The following SLA variants were observed in gnomAD, a reference collection of about 807,000 sequenced individuals.
SLA encodes src-like-adapter.
A neutral mutation model predicts 30.3 loss-of-function variants in SLA; 16 were observed. That is an observed-to-expected ratio of 0.53 (90% CI 0.36 to 0.80). SLA has a LOEUF of 0.80. Ranked by LOEUF, SLA falls within the 30% of genes least tolerant of loss-of-function variation. SLA has a pLI of 0.01. For missense variants in SLA, 310 were observed against 345.2 expected, an observed-to-expected ratio of 0.90 and a Z score of 0.81; for synonymous variants, 143 against 137.8, an observed-to-expected ratio of 1.04 and a Z score of -0.26.
At chr8:133,041,131 C>T (rs1838143835) in intron 7 of SLA, among the ~76,000 whole-genome samples, 1 of 152,230 alleles carries the variant, frequency 6.6e-6, no homozygotes, top group South Asian at 2.1e-4. Flanking sequence ...AGTGCTTCTC[C>T]TGTGCCCTGG....
intron 1 of SLA, among the ~76,000 whole-genome samples, chr8:133,088,404 T>C (rs560072120): frequency 1.3e-5 from 2 of 152,300 alleles, no homozygotes; most frequent in South Asian, 4.1e-4. Context: ...GGTAGCACAG[T>C]GTGGGGGGAA....
intron 1 of SLA, among the ~76,000 whole-genome samples, chr8:133,096,841 C>T (rs1206275290): frequency 6.6e-6 from 1 of 152,224 alleles, no homozygotes; most frequent in Admixed American, 6.5e-5. Context: ...ACGCACAATG[C>T]ACCTGGCAAA....
chr8:133,095,106 T>A, intron 1 of SLA: 1 of 1,614,218 alleles, frequency 6.2e-7, no homozygotes. Context: ...AGCAGGCAAT[T>A]GCTTTGGCAA....
chr8:133,078,763 C>A (rs58767833), intron 1 of SLA, among the ~76,000 whole-genome samples: 3,715 of 152,298 alleles, frequency 0.024, 156 homozygotes, highest in African/African-American at 0.085. Flanking sequence ...GAATTACTCA[C>A]TTTAGCCAAC....
intron 2 of SLA, among the ~76,000 whole-genome samples, chr8:133,073,867 T>C (rs1157766706): frequency 6.6e-6 from 1 of 152,112 alleles, no homozygotes; most frequent in Admixed American, 6.5e-5. Flanking sequence ...GAGCCTCATT[T>C]CCTCAGTTTT....
At chr8:133,065,514 C>A (rs2131370790) in intron 2 of SLA, among the ~76,000 whole-genome samples, 1 of 152,314 alleles carries the variant, frequency 6.6e-6, no homozygotes, top group Middle Eastern at 3.4e-3. Flanking sequence ...GTGATCCTAG[C>A]ACTTTGGGAA....
chr8:133,047,904 T>A lies in SLA; in HGVS notation c.278A>T (p.Lys93Met). Residue 93 changes from lysine (K) to methionine (M), a missense_variant, in exon 6 of 9, where the codon AAG (lysine) becomes ATG (methionine). Lys to Met is a moderately conservative substitution (Grantham distance 95). Transcript: ENST00000338087. ...GWLFEGLGRDKAEELLQLPDT... is the reference protein window; with the variant it reads ...GWLFEGLGRDMAEELLQLPDT... ...TGGCAGCTGCAGCAGCTCCTCGGCC[T>A]TGTCTCTGCCCAGGCCCTCAAACAG... is the stretch of plus-strand genomic sequence containing the variant. The A allele has an allele frequency of 6.2e-7, 1 of 1,612,032 alleles. No individual in the cohort carries two copies. The highest frequency in any genetic ancestry group is 8.5e-7 in the Non-Finnish European group (1 of 1,179,000).
chr8:133,055,497 G>A (rs1345767402), intron 3 of SLA, among the ~76,000 whole-genome samples: 1 of 151,990 alleles, frequency 6.6e-6, no homozygotes, highest in African/African-American at 2.4e-5. Flanking sequence ...CCATGAACCA[G>A]GCTTGTGAGC....
intron 4 of SLA, chr8:133,050,613 C>A: frequency 3.9e-6 from 2 of 510,184 alleles, no homozygotes; most frequent in Non-Finnish European, 3.5e-6. Context: ...ATTTGATCTA[C>A]CAGGCAGTGG....
At chr8:133,069,708 C>G (rs887404665) in intron 2 of SLA, among the ~76,000 whole-genome samples, 5 of 152,096 alleles carry the variant, frequency 3.3e-5, no homozygotes, top group African/African-American at 1.2e-4. Flanking sequence ...CAGTTAGAAA[C>G]AGAAGAAAAA....
At position 133,038,628 on chromosome 8, in the gene SLA, C is replaced by G. The variant is rs1267458655; in HGVS notation, c.727G>C (p.Asp243His). Residue 243 changes from aspartate (D) to histidine (H), a missense_variant, in exon 9 of 9, where the codon GAC becomes CAC. Asp to His is a moderately conservative substitution (Grantham distance 81, BLOSUM62 -1). Coordinates refer to ENST00000338087, the MANE Select transcript of SLA (RefSeq NM_001045556.3). ...IASYLSLTSE[D>H]NTSFDRKKKS... ...TTCTTTCGATCAAAGGAGGTGTTGTCCTCACTGGTCAGGGACAGGTAAGAG... is the reference window on the plus strand; with the variant it reads ...TTCTTTCGATCAAAGGAGGTGTTGTGCTCACTGGTCAGGGACAGGTAAGAG... 6.2e-7 allele frequency: 1 copy of G among 1,613,970 alleles called. No homozygotes were observed.
At chr8:133,069,259 G>A (rs747188089) in intron 2 of SLA, among the ~76,000 whole-genome samples, 6 of 152,088 alleles carry the variant, frequency 3.9e-5, no homozygotes, top group Admixed American at 6.5e-5. Flanking sequence ...CTTTTTATTC[G>A]TACATGTGAA....
chr8:133,057,108 G>T, intron 3 of SLA, among the ~76,000 whole-genome samples: 1 of 147,594 alleles, frequency 6.8e-6, no homozygotes, highest in Admixed American at 6.8e-5. Context: ...TCTTTCCACT[G>T]GGCAACTATG....
chr8:133,090,382 C>G (rs1847302488), intron 1 of SLA, among the ~76,000 whole-genome samples: 1 of 152,156 alleles, frequency 6.6e-6, no homozygotes, highest in Non-Finnish European at 1.5e-5. Flanking sequence ...TCCTTCCTAC[C>G]TGATTTAACT....
intron 2 of SLA, among the ~76,000 whole-genome samples, chr8:133,071,839 G>A (rs1471450439): frequency 1.3e-5 from 2 of 152,140 alleles, no homozygotes; most frequent in Non-Finnish European, 2.9e-5. Context: ...AATGCTTACT[G>A]CTCCCAGGGC....
At chr8:133,039,939 C>T in intron 8 of SLA, 59 bp downstream of exon 8, 2 of 1,516,154 alleles carry the variant, frequency 1.3e-6, no homozygotes, top group South Asian at 2.4e-5. Context: ...CACATGTTCA[C>T]AGAGCACTTG....
rs541177001 is a variant in SLA at position 133,037,170 on chromosome 8, A to T, written c.*1354T>A. 2 of 152,316 alleles carry T rather than the reference A, an allele frequency of 1.3e-5. No individual in the cohort carries two copies. The highest frequency in any genetic ancestry group is 4.1e-4 in the South Asian group (2 of 4,828). The allele number at this position is 152,316 out of a possible 1,614,324, so 9.4% of individuals were successfully genotyped here. ...AAGCATGTTCCCCTCCTTCCCCAGGATCCCTTTGAAACAGGGAAACATGAG... is the reference window on the plus strand; with the variant it reads ...AAGCATGTTCCCCTCCTTCCCCAGGTTCCCTTTGAAACAGGGAAACATGAG... On this transcript the variant is annotated 3_prime_UTR_variant, in exon 9 of 9. Transcript: ENST00000338087.
At chr8:133,050,940 A>G (rs1294098945) in intron 3 of SLA, 25 bp from the exon 4 acceptor site, 2 of 1,394,902 alleles carry the variant, frequency 1.4e-6, no homozygotes, top group Non-Finnish European at 2.0e-6. Flanking sequence ...GCAAGGGGGA[A>G]GGGGGCAAGG....
intron 2 of SLA, among the ~76,000 whole-genome samples, chr8:133,067,163 C>A (rs1247461794): frequency 6.6e-6 from 1 of 152,146 alleles, no homozygotes; most frequent in Admixed American, 6.5e-5. Flanking sequence ...CCCACCACAT[C>A]CTGACCTCAC....
Sources: gnomAD v4.1 joint callset for allele counts (sites outside exome capture counted in the v4.1 genomes callset) on GRCh38, gnomAD v4.1.1 for gene constraint, MANE v1.5 for transcripts, NCBI Gene and HGNC (gene_info 2026-07-23, HGNC 2026-07-21) for gene names.